AK9: variants seen among roughly 807,000 people sequenced by gnomAD.
The protein encoded by AK9 is adenylate kinase 9, also known as adenylate kinase domain containing 1.
AK9 carries 191 observed loss-of-function variants against 239.6 expected under a neutral mutation model. That is an observed-to-expected ratio of 0.80 (90% CI 0.71 to 0.90). AK9 has a LOEUF of 0.90. Ranked by LOEUF, AK9 falls within the 40% of genes least tolerant of loss-of-function variation. The pLI, the probability that AK9 is intolerant of heterozygous loss-of-function variation, is 0.00. For synonymous variants in AK9, 689 were observed against 721.0 expected (o/e 0.96, Z 0.71); for missense variants, 1,995 against 2,214.7 (o/e 0.90, Z 1.99).
At chr6:109,598,334 T>C (rs996791766) in intron 17 of AK9, among the ~76,000 whole-genome samples, 1 of 151,988 alleles carries the variant, frequency 6.6e-6, no homozygotes, top group African/African-American at 2.4e-5. Flanking sequence ...TTTGGTTTTT[T>C]GTCCTTGCAA....
intron 20 of AK9, among the ~76,000 whole-genome samples, chr6:109,575,182 A>G (rs1447677140): frequency 1.3e-5 from 2 of 152,054 alleles, no homozygotes. Flanking sequence ...TTCTTTTCCT[A>G]TGGGTAGATA....
chr6:109,605,207 G>T (rs1207054995), intron 17 of AK9, among the ~76,000 whole-genome samples: 1 of 152,120 alleles, frequency 6.6e-6, no homozygotes, highest in Admixed American at 6.6e-5. Context: ...AGGCTGAGGT[G>T]GGAGGATCAC....
Position 109,497,484 on chromosome 6 carries a change from T to C in AK9, c.5296A>G (p.Lys1766Glu). ...NRIYICENKEKLQKFLRSPLK... is the reference protein window; with the variant it reads ...NRIYICENKEELQKFLRSPLK... ...TCTCACCTCAAAAATTTCTGGAGTT[T>C]TTCTTTGTTCTCACAAATATATATA... Residue 1766 changes from lysine (K) to glutamate (E), a missense_variant, in exon 38 of 41, where the codon AAA becomes GAA. Transcript: ENST00000424296. 1 of 1,599,084 alleles carries C rather than the reference T, an allele frequency of 6.3e-7. No homozygotes were observed. The highest frequency in any genetic ancestry group is 8.6e-7 in the Non-Finnish European group (1 of 1,166,648).
Position 109,563,617 on chromosome 6 carries a change from C to T in AK9, c.2731G>A (p.Glu911Lys). The T allele has an allele frequency of 6.4e-7, 1 of 1,551,468 alleles. No homozygotes were observed. Among genetic ancestry groups the T allele is most frequent in the Non-Finnish European group, 8.7e-7 (1 of 1,146,822 alleles). Residue 911 changes from glutamate to lysine, a missense_variant, in exon 24 of 41, where the codon GAG (glutamate) becomes AAG (lysine). Physicochemically the swap from Glu to Lys is moderately conservative, Grantham distance 56. This residue lies in a region of AK9 where 1,290 missense variants were observed against 1,392.7 expected (regional missense o/e 0.93). Coordinates refer to ENST00000424296, the MANE Select transcript of AK9 (RefSeq NM_001145128.3). Reference protein sequence around the residue: ...QTEAEVDEELEEEEEEEGEDK... With the variant: ...QTEAEVDEELKEEEEEEGEDK... The stretch of plus-strand genomic sequence containing the variant: ...CATGCCTCTTCCTCTTCCTCTTCCT[C>T]TAGCTCCTCATCAACCTCTGCTTCA...
chr6:109,514,624 T>C (rs1232441152), intron 31 of AK9, among the ~76,000 whole-genome samples, 187 bp from the exon 32 acceptor site: 1 of 152,226 alleles, frequency 6.6e-6, no homozygotes, highest in Non-Finnish European at 1.5e-5. Context: ...TACAGCCGTA[T>C]GTAATGAATG....
intron 31 of AK9, among the ~76,000 whole-genome samples, chr6:109,515,478 C>CA (rs1191331940): frequency 6.6e-6 from 1 of 152,100 alleles, no homozygotes; most frequent in Non-Finnish European, 1.5e-5. Flanking sequence ...CTGAACTTGA[C>CA]AGAGTAGGTG....
intron 9 of AK9, 118 bp from the exon 10 acceptor site, chr6:109,641,734 G>C: frequency 1.3e-6 from 1 of 767,608 alleles, no homozygotes; most frequent in Non-Finnish European, 2.1e-6. Flanking sequence ...TCGAATCCTT[G>C]CTTGCTTCTT....
At chr6:109,599,149 T>C (rs1791533562) in intron 17 of AK9, among the ~76,000 whole-genome samples, 1 of 152,176 alleles carries the variant, frequency 6.6e-6, no homozygotes, top group Non-Finnish European at 1.5e-5. Flanking sequence ...AGTCCTTGCC[T>C]ATTCCTATGC....
At chr6:109,549,946 G>C in intron 25 of AK9, 144 bp downstream of exon 25, 1 of 854,750 alleles carries the variant, frequency 1.2e-6, no homozygotes, top group South Asian at 1.8e-5. Context: ...TTACAGGCGT[G>C]AGCCACCGCG....
At chr6:109,615,512 A>C (rs1794076502) in intron 13 of AK9, among the ~76,000 whole-genome samples, 1 of 152,134 alleles carries the variant, frequency 6.6e-6, no homozygotes, top group Non-Finnish European at 1.5e-5. Context: ...AGATATTTTA[A>C]AATTTTAATT....
At chr6:109,560,575 T>C (rs961393765) in intron 24 of AK9, among the ~76,000 whole-genome samples, 3 of 152,246 alleles carry the variant, frequency 2.0e-5, no homozygotes, top group African/African-American at 7.2e-5. Context: ...TGATTGCTTT[T>C]CAAACGTTAA....
At chr6:109,603,524 C>G (rs1792379255) in intron 17 of AK9, among the ~76,000 whole-genome samples, 1 of 152,272 alleles carries the variant, frequency 6.6e-6, no homozygotes, top group South Asian at 2.1e-4. Flanking sequence ...GGGTCAGGGA[C>G]CCACTTGAGG....
chr6:109,588,259 C>T (rs1260809439), intron 17 of AK9, among the ~76,000 whole-genome samples: 2 of 151,890 alleles, frequency 1.3e-5, no homozygotes, highest in South Asian at 2.1e-4. Context: ...TTAGTAGAGA[C>T]GGGGTTTCAC....
intron 8 of AK9, among the ~76,000 whole-genome samples, chr6:109,649,835 T>C (rs1322983410): frequency 6.6e-6 from 1 of 152,154 alleles, no homozygotes; most frequent in Non-Finnish European, 1.5e-5. Context: ...CTTCAAACTA[T>C]ACTACAAGGC....
intron 1 of AK9, among the ~76,000 whole-genome samples, chr6:109,684,336 G>C (rs980433962): frequency 5.3e-5 from 8 of 152,028 alleles, no homozygotes; most frequent in African/African-American, 1.9e-4. Flanking sequence ...ACATAGGCAC[G>C]GGCAAAGACT....
chr6:109,573,636 C>A, intron 20 of AK9, 42 bp from the exon 21 acceptor site: 1 of 1,508,828 alleles, frequency 6.6e-7, no homozygotes, highest in South Asian at 1.3e-5. Context: ...TGGTTGAAGT[C>A]AACAAATATT....
chr6:109,659,365 T>C lies in AK9; in HGVS notation c.493A>G (p.Asn165Asp). The change falls in exon 7 of 41, where the codon AAT becomes GAT. Residue 165 changes from asparagine to aspartate, a missense_variant. Transcript: ENST00000424296. ...CQRISGQRQH[N>D]NTGYIYSRDQ... ...CTACTGTATATGTATCCCGTATTAT[T>C]GTGCTGTCTTTGCCCAGAAATTCTC... 6.2e-7 allele frequency: 1 copy of C among 1,612,290 alleles called. No homozygotes were observed. The highest frequency in any genetic ancestry group is 1.1e-5 in the South Asian group (1 of 90,622).
At chr6:109,680,245 T>C (rs987193966) in intron 1 of AK9, among the ~76,000 whole-genome samples, 6 of 152,110 alleles carry the variant, frequency 3.9e-5, no homozygotes, top group African/African-American at 1.4e-4. Context: ...ATAACCAGTG[T>C]AGAGAAGAAC....
At chr6:109,619,021 T>C in intron 13 of AK9, 71 bp downstream of exon 13, 2 of 1,458,338 alleles carry the variant, frequency 1.4e-6, no homozygotes, top group South Asian at 2.8e-5. Context: ...CTAAACAAAG[T>C]CCTTGCTTTC....
Sources: allele counts gnomAD v4.1 joint callset (sites outside exome capture counted in the v4.1 genomes callset), GRCh38; gene constraint gnomAD v4.1.1; regional missense constraint gnomAD v4.1.1; transcripts MANE v1.5; gene names NCBI Gene and HGNC (gene_info 2026-07-23, HGNC 2026-07-21).